Variants in BTC observed in about 807,000 individuals in gnomAD.
BTC encodes the protein betacellulin, also known as probetacellulin.
A neutral mutation model predicts 18.1 loss-of-function variants in BTC; 13 were observed. The observed-to-expected ratio is 0.72, with a 90% CI of 0.47 to 1.14. The LOEUF (loss-of-function observed/expected upper bound fraction) is 1.14, where lower values mean the gene tolerates loss of function less well. BTC is among the 50% of genes most tolerant of loss of function. The pLI is 0.00. For synonymous variants in BTC, 83 were observed against 79.4 expected, an observed-to-expected ratio of 1.05 and a Z score of -0.24; for missense variants, 247 against 224.2, an observed-to-expected ratio of 1.10 and a Z score of -0.65.
At chr4:74,765,474 A>T (rs1724876684) in intron 2 of BTC, among the ~76,000 whole-genome samples, 1 of 152,132 alleles carries the variant, frequency 6.6e-6, no homozygotes, top group Non-Finnish European at 1.5e-5. Flanking sequence ...CAAGTGAAAA[A>T]GCTTAAAGGA....
chr4:74,751,401 T>C (rs1191298044), intron 3 of BTC, among the ~76,000 whole-genome samples: 1 of 152,138 alleles, frequency 6.6e-6, no homozygotes, highest in Non-Finnish European at 1.5e-5. Context: ...ACATAAGTCT[T>C]GTCCTCTTTA....
At chr4:74,775,826 A>G (rs1357872728) in intron 1 of BTC, among the ~76,000 whole-genome samples, 1 of 152,224 alleles carries the variant, frequency 6.6e-6, no homozygotes, top group Non-Finnish European at 1.5e-5. Flanking sequence ...GAAGCCAGCT[A>G]TCAAGTCTTC....
Position 74,775,341 on chromosome 4 carries a change from CG to C in BTC, c.65-5186del, listed in dbSNP as rs1260372095. Reference sequence around the variant, plus strand: ...AGTGAAATAAGAAAGTTTAAAGGAACGTACATTATTAAAATAATCATCTTTA... The same window carrying C: ...AGTGAAATAAGAAAGTTTAAAGGAACTACATTATTAAAATAATCATCTTTA... On this transcript the variant is annotated intron_variant, in intron 1 of 5. Coordinates refer to ENST00000395743, the MANE Select transcript of BTC (RefSeq NM_001729.4). Among the ~76,000 whole-genome samples, 3 of 152,004 alleles carry C rather than the reference CG, an allele frequency of 2.0e-5. No homozygotes were observed. In the East Asian group the frequency reaches 5.8e-4, roughly 29 times the overall value.
intron 1 of BTC, among the ~76,000 whole-genome samples, chr4:74,771,030 A>C (rs953750919): frequency 1.4e-4 from 22 of 151,936 alleles, no homozygotes; most frequent in Non-Finnish European, 3.1e-4. Flanking sequence ...GAAGTGACGA[A>C]AAGGCATGGA....
intron 1 of BTC, among the ~76,000 whole-genome samples, chr4:74,790,497 T>G (rs1311983009): frequency 1.3e-5 from 2 of 152,148 alleles, no homozygotes; most frequent in African/African-American, 4.8e-5. Context: ...GCTTGACCAC[T>G]ACATGACCCT....
chr4:74,784,918 A>G (rs1444100935), intron 1 of BTC, among the ~76,000 whole-genome samples: 1 of 152,180 alleles, frequency 6.6e-6, no homozygotes, highest in Admixed American at 6.5e-5. Context: ...AGGTTTTGGT[A>G]TCAGGATGAT....
At chr4:74,780,178 T>A (rs903391214) in intron 1 of BTC, among the ~76,000 whole-genome samples, 2 of 152,180 alleles carry the variant, frequency 1.3e-5, no homozygotes, top group African/African-American at 4.8e-5. Context: ...TTGTGTGGCC[T>A]ATGAAAAGAA....
chr4:74,764,388 T>C (rs1287258077), intron 2 of BTC, among the ~76,000 whole-genome samples: 1 of 152,102 alleles, frequency 6.6e-6, no homozygotes, highest in East Asian at 1.9e-4. Context: ...AGGTCTGCAT[T>C]GATGGGCATA....
chr4:74,762,532 C>T (rs183024419), intron 2 of BTC, among the ~76,000 whole-genome samples: 220 of 150,446 alleles, frequency 1.5e-3, no homozygotes, highest in African/African-American at 2.4e-3. Context: ...TGATGCTATA[C>T]GCCAAAGGAA....
At chr4:74,782,829 G>C (rs933652960) in intron 1 of BTC, among the ~76,000 whole-genome samples, 1 of 152,144 alleles carries the variant, frequency 6.6e-6, no homozygotes, top group Admixed American at 6.5e-5. Context: ...TTGTGGTTTT[G>C]ATTCTCATTT....
In BTC at chr4:74,755,860, C is replaced by T. The variant is rs1553956622; in HGVS notation, c.280G>A (p.Val94Ile). 1.2e-6 allele frequency: 2 copies of T among 1,613,948 alleles called. No individual in the cohort carries two copies. Among genetic ancestry groups the T allele is most frequent in the Non-Finnish European group, 1.7e-6 (2 of 1,179,900 alleles). ...FVVAEQTPSC[V>I]CDEGYIGARC... ...GCTGGCTGAGGACACTCCACTTACA[C>T]ACAGGAGGGCGTCTGCTCGGCCACC... Residue 94 changes from valine to isoleucine, a missense_variant and splice_region_variant, in exon 3 of 6, where the codon GTC (valine) becomes ATC (isoleucine). By Grantham distance (29) the Val-to-Ile change is conservative. Coordinates refer to ENST00000395743, the MANE Select transcript of BTC (RefSeq NM_001729.4).
At chr4:74,781,272 C>T (rs148264922) in intron 1 of BTC, among the ~76,000 whole-genome samples, 417 of 152,224 alleles carry the variant, frequency 2.7e-3, no homozygotes, top group African/African-American at 9.4e-3. Flanking sequence ...GTTCTCTGAA[C>T]TATACAGGGG....
intron 2 of BTC, among the ~76,000 whole-genome samples, chr4:74,768,538 T>C (rs571710341): frequency 7.9e-5 from 12 of 152,148 alleles, no homozygotes; most frequent in South Asian, 2.1e-4. Flanking sequence ...CCTCTACTTA[T>C]ATGAGGCATC....
intron 1 of BTC, among the ~76,000 whole-genome samples, chr4:74,784,980 G>A (rs980383575): frequency 1.3e-5 from 2 of 152,116 alleles, no homozygotes; most frequent in African/African-American, 4.8e-5. Context: ...TAATTTTCTG[G>A]AATAGTTTCA....
intron 1 of BTC, among the ~76,000 whole-genome samples, chr4:74,787,046 T>A (rs1725497592): frequency 6.6e-6 from 1 of 152,124 alleles, no homozygotes; most frequent in Admixed American, 6.5e-5. Context: ...CATTCATTCA[T>A]TCATTTAATT....
intron 2 of BTC, among the ~76,000 whole-genome samples, chr4:74,757,858 C>T (rs1312010903): frequency 6.6e-6 from 1 of 152,148 alleles, no homozygotes; most frequent in Admixed American, 6.5e-5. Context: ...GTTTCCTCAT[C>T]TGTAAGATAG....
chr4:74,785,398 G>T (rs1368257260), intron 1 of BTC, among the ~76,000 whole-genome samples: 3 of 151,988 alleles, frequency 2.0e-5, no homozygotes, highest in Non-Finnish European at 4.4e-5. Context: ...TTTCTTGAAG[G>T]TTTTTGCATG....
chr4:74,761,417 C>A (rs1339618777), intron 2 of BTC, among the ~76,000 whole-genome samples: 2 of 152,240 alleles, frequency 1.3e-5, no homozygotes, highest in South Asian at 2.1e-4. Flanking sequence ...AGACTCCTGT[C>A]CTAAACACAT....
At chr4:74,749,685 TTTGTTG>T (rs1188923273) in intron 4 of BTC, among the ~76,000 whole-genome samples, 4 of 124,930 alleles carry the variant, frequency 3.2e-5, no homozygotes, top group Non-Finnish European at 7.1e-5. Flanking sequence ...GATAGTTTTT[TTTGTTG>T]TTGTTGTTGT....
Sources: allele counts gnomAD v4.1 joint callset (sites outside exome capture counted in the v4.1 genomes callset), GRCh38; gene constraint gnomAD v4.1.1; transcripts MANE v1.5; gene names NCBI Gene and HGNC (gene_info 2026-07-23, HGNC 2026-07-21).